SYNPO: variants seen among roughly 807,000 people sequenced by gnomAD.
SYNPO encodes synaptopodin.
A neutral mutation model predicts 49.5 loss-of-function variants in SYNPO; 19 were observed. The observed-to-expected ratio is 0.38, with a 90% confidence interval of 0.27 to 0.56. The LOEUF (loss-of-function observed/expected upper bound fraction) is 0.56, where lower values mean the gene tolerates loss of function less well. SYNPO is among the 20% of genes least tolerant of loss of function. SYNPO has a pLI of 0.68. For synonymous variants in SYNPO, 536 were observed against 548.0 expected (o/e 0.98, Z 0.31); for missense variants, 1,131 against 1,248.3 (o/e 0.91, Z 1.42).
At chr5:150,652,679 T>C (rs1367880796) in intron 2 of SYNPO, 1 of 152,558 alleles carries the variant, frequency 6.6e-6, no homozygotes, top group Non-Finnish European at 1.5e-5. Flanking sequence ...TTTGTTTGGG[T>C]TCTTTACAAG....
At chr5:150,598,054 C>G (rs1460105347), upstream of SYNPO, among the ~76,000 whole-genome samples, 1 of 152,158 alleles carries the variant, frequency 6.6e-6, no homozygotes, top group African/African-American at 2.4e-5. Flanking sequence ...CCTCACACTC[C>G]TCAGTAGTGG....
chr5:150,656,512 G>C lies in SYNPO; in HGVS notation c.2137G>C (p.Gly713Arg), dbSNP rs1375277276. The change falls in exon 3 of 3, where the codon GGG becomes CGG. Residue 713 changes from glycine to arginine, a missense_variant. Gly to Arg is a moderately radical substitution (Grantham distance 125). Around this residue, in one of 4 missense-constraint regions of SYNPO, gnomAD observed 509 missense variants for 484.5 expected, o/e 1.05. Transcript: ENST00000307662. ...VSPGPWEPGR[G>R]SSMSSPPPLP... The stretch of plus-strand genomic sequence containing the variant: ...CCCGGGCCCGTGGGAGCCAGGTCGC[G>C]GGAGCAGCATGAGCAGCCCCCCGCC... 10 of 1,531,634 alleles carry C rather than the reference G, an allele frequency of 6.5e-6. No individual in the cohort carries two copies. The highest frequency in any genetic ancestry group is 3.6e-5 in the South Asian group (3 of 83,756). The allele number at this position is 1,531,634 out of a possible 1,614,324, so 94.9% of individuals were successfully genotyped here. A position where few individuals can be genotyped will look rare whatever the true frequency, so the allele number is the denominator to read the frequency against.
intron 2 of SYNPO, chr5:150,651,877 C>T: frequency 3.0e-6 from 3 of 1,000,482 alleles, no homozygotes; most frequent in Non-Finnish European, 3.6e-6. Flanking sequence ...CCCGACCAAA[C>T]CAGGCTTTGT....
the SYNPO span, among the ~76,000 whole-genome samples, chr5:150,588,349 C>A: frequency 6.6e-6 from 1 of 152,192 alleles, no homozygotes; most frequent in Admixed American, 6.5e-5. Flanking sequence ...TACCACATAA[C>A]CTTCCTGGAA....
At chr5:150,646,537 C>T (rs1758098409) in intron 1 of SYNPO, among the ~76,000 whole-genome samples, 1 of 151,778 alleles carries the variant, frequency 6.6e-6, no homozygotes, top group South Asian at 2.1e-4. Flanking sequence ...GCCTAAGCAA[C>T]ATGGTGAAAC....
intron 2 of SYNPO, chr5:150,624,779 G>A: frequency 1.1e-6 from 1 of 899,142 alleles, no homozygotes; most frequent in Non-Finnish European, 1.3e-6. Context: ...GGGGCGTCGG[G>A]CGCGGAGCCT....
At chr5:150,591,454 C>T in the SYNPO span, among the ~76,000 whole-genome samples, 10 of 152,134 alleles carry the variant, frequency 6.6e-5, no homozygotes, top group African/African-American at 2.2e-4. Context: ...GGACAAGGGA[C>T]GGGGCAGGGG....
At chr5:150,619,105 C>T (rs1039561029) in intron 2 of SYNPO, among the ~76,000 whole-genome samples, 4 of 152,016 alleles carry the variant, frequency 2.6e-5, no homozygotes, top group South Asian at 2.1e-4. Flanking sequence ...CAAATCACTG[C>T]GGTGTCCCAA....
chr5:150,608,759 T>A (rs1211955479), intron 1 of SYNPO, among the ~76,000 whole-genome samples: 1 of 152,076 alleles, frequency 6.6e-6, no homozygotes, highest in East Asian at 1.9e-4. Context: ...CCAGAAGCTG[T>A]GATTTAATTT....
upstream of SYNPO, among the ~76,000 whole-genome samples, chr5:150,637,588 C>T (rs1462278799): frequency 6.6e-6 from 1 of 152,230 alleles, no homozygotes; most frequent in East Asian, 1.9e-4. Context: ...GTCTGGGGAA[C>T]CCGCAGGGGT....
intron 2 of SYNPO, among the ~76,000 whole-genome samples, chr5:150,621,967 G>T (rs1230454595): frequency 6.6e-6 from 1 of 152,206 alleles, no homozygotes; most frequent in Non-Finnish European, 1.5e-5. Context: ...GTCTCAGCTG[G>T]TCATAACTGG....
In SYNPO at chr5:150,648,095, C is replaced by T; in HGVS notation, c.-181C>T. On this transcript the variant is annotated 5_prime_UTR_variant, in exon 2 of 3. Coordinates refer to ENST00000307662, the MANE Select transcript of SYNPO (RefSeq NM_007286.6). The surrounding 1 kb of genome is among the most constrained non-coding windows in gnomAD (Gnocchi z 5.0). Reference sequence around the variant, plus strand: ...GGCGCCGGCAGAGGGTGAACGAGTTCACCTTGGAGAGCCACGGCCAGAGGG... The same window carrying T: ...GGCGCCGGCAGAGGGTGAACGAGTTTACCTTGGAGAGCCACGGCCAGAGGG... 6.4e-7 allele frequency: 1 copy of T among 1,551,816 alleles called. No homozygotes were observed. The highest frequency in any genetic ancestry group is 8.7e-7 in the Non-Finnish European group (1 of 1,147,022).
chr5:150,621,441 C>A (rs1057136415), intron 2 of SYNPO, among the ~76,000 whole-genome samples: 7 of 152,152 alleles, frequency 4.6e-5, no homozygotes, highest in Non-Finnish European at 7.4e-5. Flanking sequence ...TCAGAGCCCA[C>A]ACTTGCCTTT....
Position 150,657,108 on chromosome 5 carries a change from C to T in SYNPO, c.*21C>T. On this transcript the variant is annotated 3_prime_UTR_variant, in exon 3 of 3. Coordinates refer to ENST00000307662, the MANE Select transcript of SYNPO (RefSeq NM_007286.6). ...CCTAGAGCCCCACCCCCGACCCCACCCCGGGAGGGCAGAGCCAGAAGAAGG... is the reference window on the plus strand; with the variant it reads ...CCTAGAGCCCCACCCCCGACCCCACTCCGGGAGGGCAGAGCCAGAAGAAGG... The T allele has an allele frequency of 2.6e-6, 4 of 1,548,638 alleles. No homozygotes were observed. In the South Asian group the frequency reaches 3.6e-5, roughly 14 times the overall value.
At position 150,657,163 on chromosome 5, in the gene SYNPO, TGGCC is replaced by T; in HGVS notation, c.*77_*80del. 1 of 1,445,490 alleles carries T rather than the reference TGGCC, an allele frequency of 6.9e-7. No individual in the cohort carries two copies. The highest frequency in any genetic ancestry group is 9.2e-7 in the Non-Finnish European group (1 of 1,081,862). The allele number at this position is 1,445,490 out of a possible 1,614,324, so 89.5% of individuals were successfully genotyped here. A position where few individuals can be genotyped will look rare whatever the true frequency, so the allele number is the denominator to read the frequency against. Reference sequence around the variant, plus strand: ...TTAGACCTGGGGGACCCAAAGGGTCTGGCCTCTTTGGGCAGCCCCAGAGATGAGG... The same window carrying T: ...TTAGACCTGGGGGACCCAAAGGGTCTTCTTTGGGCAGCCCCAGAGATGAGG... On this transcript the variant is annotated 3_prime_UTR_variant, in exon 3 of 3. Coordinates refer to ENST00000307662, the MANE Select transcript of SYNPO (RefSeq NM_007286.6).
At chr5:150,623,960 G>A (rs796127351) in intron 2 of SYNPO, among the ~76,000 whole-genome samples, 1 of 152,218 alleles carries the variant, frequency 6.6e-6, no homozygotes, top group African/African-American at 2.4e-5. Context: ...CCACCAGCTC[G>A]TGCCCTCAAT....
rs1302159574 is a variant in SYNPO at position 150,658,692 on chromosome 5, TG to T, written c.*1608del. ...CTAAAGGTGAGGGACAGTTTGGGTTTGGGACTTACCGGGGTGATGTTAGATC... is the reference window on the plus strand; with the variant it reads ...CTAAAGGTGAGGGACAGTTTGGGTTTGGACTTACCGGGGTGATGTTAGATC... On this transcript the variant is annotated 3_prime_UTR_variant, in exon 3 of 3. Coordinates refer to ENST00000307662, the MANE Select transcript of SYNPO (RefSeq NM_007286.6). 2 of 152,592 alleles carry T rather than the reference TG, an allele frequency of 1.3e-5. No homozygotes were observed. The highest frequency in any genetic ancestry group is 4.8e-5 in the African/African-American group (2 of 41,552). 9.5% of individuals were successfully genotyped at this position (152,592 alleles called of 1,614,324 possible).
chr5:150,631,968 C>G (rs1288497188), intron 2 of SYNPO, among the ~76,000 whole-genome samples: 1 of 152,086 alleles, frequency 6.6e-6, no homozygotes, highest in Admixed American at 6.5e-5. Context: ...GAATGAAGGC[C>G]GCCCCAGACC....
At position 150,648,434 on chromosome 5, in the gene SYNPO, C is replaced by T. The variant is rs1235893703; in HGVS notation, c.159C>T (p.Ser53=). 1.2e-6 allele frequency: 2 copies of T among 1,614,048 alleles called. No individual in the cohort carries two copies. Among genetic ancestry groups the T allele is most frequent in the African/African-American group, 1.3e-5 (1 of 74,900 alleles). The change falls in exon 2 of 3, where the codon TCC becomes TCT. Residue 53 remains serine, a synonymous_variant. Coordinates refer to ENST00000307662, the MANE Select transcript of SYNPO (RefSeq NM_007286.6). The surrounding 1 kb of genome is among the most constrained non-coding windows in gnomAD (Gnocchi z 5.0). ...HLSQNREAQQ[S]SPAPPPAEVH... is the part of the protein sequence containing the mutation. Reference sequence around the variant, plus strand: ...CCCAAAACCGAGAGGCCCAGCAGTCCTCACCGGCCCCACCTCCAGCTGAGG... The same window carrying T: ...CCCAAAACCGAGAGGCCCAGCAGTCTTCACCGGCCCCACCTCCAGCTGAGG...
Sources: allele counts gnomAD v4.1 joint callset (sites outside exome capture counted in the v4.1 genomes callset), GRCh38; gene constraint gnomAD v4.1.1; regional missense constraint gnomAD v4.1.1; non-coding constraint Gnocchi (gnomAD v3.1); transcripts MANE v1.5; gene names NCBI Gene and HGNC (gene_info 2026-07-23, HGNC 2026-07-21).